The following CDH10 variants were observed in gnomAD, a reference collection of about 807,000 sequenced individuals.
CDH10 encodes cadherin 10.
In CDH10, 30 loss-of-function variants were observed where a neutral mutation model predicts 73.1. The observed-to-expected ratio is 0.41, with a 90% CI of 0.31 to 0.56. The LOEUF (loss-of-function observed/expected upper bound fraction) is 0.56, where lower values mean the gene tolerates loss of function less well. Ranked by LOEUF, CDH10 falls within the 20% of genes least tolerant of loss-of-function variation. CDH10 has a pLI of 0.27. For synonymous variants in CDH10, 345 were observed against 348.2 expected (o/e 0.99, Z 0.10); for missense variants, 815 against 973.7 (o/e 0.84, Z 2.17).
intron 1 of CDH10, among the ~76,000 whole-genome samples, chr5:24,634,430 G>A (rs1447828161): frequency 1.3e-5 from 2 of 151,594 alleles, no homozygotes; most frequent in Non-Finnish European, 3.0e-5. Flanking sequence ...TAAAATGTGT[G>A]TAATATTAAT....
At chr5:24,614,390 A>T (rs16893657) in intron 1 of CDH10, among the ~76,000 whole-genome samples, 1 of 152,162 alleles carries the variant, frequency 6.6e-6, no homozygotes, top group African/African-American at 2.4e-5. Flanking sequence ...GCACCCTTTC[A>T]GTGTTATCCA....
intron 2 of CDH10, among the ~76,000 whole-genome samples, chr5:24,542,606 T>C (rs1156434125): frequency 6.6e-6 from 1 of 152,168 alleles, no homozygotes; most frequent in Non-Finnish European, 1.5e-5. Context: ...CAAAATTGCC[T>C]AATGATGCAT....
At chr5:24,576,881 T>C (rs566104771) in intron 2 of CDH10, among the ~76,000 whole-genome samples, 1 of 151,924 alleles carries the variant, frequency 6.6e-6, no homozygotes, top group Non-Finnish European at 1.5e-5. Flanking sequence ...GTTAACATGA[T>C]CACTAATGAG....
At chr5:24,575,996 T>C (rs1312124104) in intron 2 of CDH10, among the ~76,000 whole-genome samples, 2 of 152,130 alleles carry the variant, frequency 1.3e-5, no homozygotes, top group African/African-American at 4.8e-5. Flanking sequence ...TCTGAAATAT[T>C]GACTCCTGCT....
intron 2 of CDH10, among the ~76,000 whole-genome samples, chr5:24,561,737 C>G (rs1278202963): frequency 6.6e-6 from 1 of 152,012 alleles, no homozygotes; most frequent in Non-Finnish European, 1.5e-5. Context: ...ATAAGACAAC[C>G]AACAGTAAGA....
intron 2 of CDH10, among the ~76,000 whole-genome samples, chr5:24,584,910 G>C (rs1446562771): frequency 6.6e-6 from 1 of 150,852 alleles, no homozygotes; most frequent in Non-Finnish European, 1.5e-5. Flanking sequence ...GCAGTGGCAT[G>C]ATCTTGGCTC....
chr5:24,594,500 T>C (rs570417423), intron 1 of CDH10, among the ~76,000 whole-genome samples: 3 of 151,888 alleles, frequency 2.0e-5, no homozygotes, highest in Non-Finnish European at 2.9e-5. Flanking sequence ...ATCTGTCCAA[T>C]AATACTGCAC....
At chr5:24,497,000 A>T (rs1201650814) in intron 9 of CDH10, among the ~76,000 whole-genome samples, 2 of 152,130 alleles carry the variant, frequency 1.3e-5, no homozygotes. Flanking sequence ...TCTTCCTATC[A>T]GGTGGGTCAA....
intron 2 of CDH10, among the ~76,000 whole-genome samples, chr5:24,571,975 A>T (rs1304482816): frequency 1.4e-5 from 2 of 140,414 alleles, no homozygotes; most frequent in Non-Finnish European, 3.0e-5. Flanking sequence ...GCTACAAATA[A>T]AAAAAAAAAA....
chr5:24,629,405 T>C (rs1378481806), intron 1 of CDH10, among the ~76,000 whole-genome samples: 1 of 152,118 alleles, frequency 6.6e-6, no homozygotes, highest in Non-Finnish European at 1.5e-5. Context: ...AGGCCAGTTG[T>C]ATATATTAAG....
intron 11 of CDH10, among the ~76,000 whole-genome samples, chr5:24,489,255 A>G (rs77611823): frequency 0.064 from 9,752 of 152,120 alleles, 798 homozygotes; most frequent in African/African-American, 0.19. Flanking sequence ...ATATGAAGGG[A>G]TATTAAGTTA....
chr5:24,509,861 T>C, intron 6 of CDH10, 42 bp from the exon 7 acceptor site: 2 of 1,478,700 alleles, frequency 1.4e-6, no homozygotes, highest in Non-Finnish European at 1.9e-6. Flanking sequence ...TGAGGGAAAT[T>C]GGATGATATG....
At position 24,639,990 on chromosome 5, in the gene CDH10, C is replaced by T. The variant is rs547776322; in HGVS notation, c.-124+4604G>A. On this transcript the variant is annotated intron_variant, in intron 1 of 11. Coordinates refer to ENST00000264463, the MANE Select transcript of CDH10 (RefSeq NM_006727.5). The stretch of plus-strand genomic sequence containing the variant: ...GTGCCAATTTCAACTCCTTAGAAGC[C>T]TCAGTGTTATAAAATTTATAAAAGA... Among the ~76,000 whole-genome samples the T allele has an allele frequency of 1.1e-3, 167 of 151,830 alleles. 4 individuals are homozygous for T. The highest frequency in any genetic ancestry group is 0.011 in the Admixed American group (167 of 15,208).
At chr5:24,615,860 T>C (rs1270459050) in intron 1 of CDH10, among the ~76,000 whole-genome samples, 1 of 152,230 alleles carries the variant, frequency 6.6e-6, no homozygotes, top group South Asian at 2.1e-4. Context: ...AGGAGGTCCT[T>C]ACTGTGATCA....
chr5:24,554,742 T>C (rs2111966895), intron 2 of CDH10, among the ~76,000 whole-genome samples: 1 of 152,238 alleles, frequency 6.6e-6, no homozygotes, highest in African/African-American at 2.4e-5. Context: ...GTAAAAGATC[T>C]TATCCTTGTG....
chr5:24,501,440 T>G (rs1027167033), intron 8 of CDH10, among the ~76,000 whole-genome samples: 2 of 152,170 alleles, frequency 1.3e-5, no homozygotes, highest in South Asian at 2.1e-4. Context: ...TATGTATAAA[T>G]AAGAGTATAA....
At chr5:24,625,454 ACT>A (rs1370673549) in intron 1 of CDH10, among the ~76,000 whole-genome samples, 2 of 151,434 alleles carry the variant, frequency 1.3e-5, no homozygotes, top group Admixed American at 1.3e-4. Flanking sequence ...GATATAATAA[ACT>A]CTCTCTGAAC....
intron 2 of CDH10, among the ~76,000 whole-genome samples, chr5:24,576,217 C>T (rs1283601605): frequency 2.0e-5 from 3 of 152,008 alleles, no homozygotes; most frequent in African/African-American, 7.3e-5. Context: ...TTCCTTATTG[C>T]TAGTGACAAT....
At chr5:24,570,238 G>A (rs1745328272) in intron 2 of CDH10, among the ~76,000 whole-genome samples, 1 of 152,116 alleles carries the variant, frequency 6.6e-6, no homozygotes, top group African/African-American at 2.4e-5. Context: ...ATAAGTTAAA[G>A]ACAAGAAGAA....
Sources: gnomAD v4.1 joint callset for allele counts (sites outside exome capture counted in the v4.1 genomes callset) on GRCh38, gnomAD v4.1.1 for gene constraint, MANE v1.5 for transcripts, NCBI Gene and HGNC (gene_info 2026-07-23, HGNC 2026-07-21) for gene names.